COL15A1: variants seen among roughly 807,000 people sequenced by gnomAD.
COL15A1 encodes collagen alpha-1(XV) chain.
A neutral mutation model predicts 165.9 loss-of-function variants in COL15A1; 111 were observed. That is an observed-to-expected ratio of 0.67 (90% CI 0.57 to 0.78). The LOEUF (loss-of-function observed/expected upper bound fraction) is 0.78, where lower values mean the gene tolerates loss of function less well. COL15A1 is among the 30% of genes least tolerant of loss of function. The pLI, the probability that COL15A1 is intolerant of heterozygous loss-of-function variation, is 0.00. For missense variants in COL15A1, 1,745 were observed against 1,789.7 expected, an observed-to-expected ratio of 0.98 and a Z score of 0.45; for synonymous variants, 659 against 674.8, an observed-to-expected ratio of 0.98 and a Z score of 0.36.
chr9:98,966,463 T>C (rs1837959519), intron 2 of COL15A1, among the ~76,000 whole-genome samples: 1 of 152,212 alleles, frequency 6.6e-6, no homozygotes, highest in Non-Finnish European at 1.5e-5. Flanking sequence ...CCCCAGCTCA[T>C]GCTCTGACAC....
chr9:98,997,142 G>T, intron 6 of COL15A1, 61 bp downstream of exon 6: 8 of 1,595,466 alleles, frequency 5.0e-6, no homozygotes, highest in Non-Finnish European at 6.9e-6. Context: ...TATGTGTCCA[G>T]CCGGGGCCAT....
chr9:99,045,221 A>G (rs900552360), intron 26 of COL15A1, among the ~76,000 whole-genome samples: 1 of 152,210 alleles, frequency 6.6e-6, no homozygotes, highest in Non-Finnish European at 1.5e-5. Context: ...TGTGTCCAGG[A>G]AGGAGAGGTG....
intron 39 of COL15A1, among the ~76,000 whole-genome samples, chr9:99,063,630 A>G (rs984851467): frequency 5.9e-5 from 9 of 152,212 alleles, no homozygotes; most frequent in African/African-American, 2.2e-4. Context: ...GGAAACAGGT[A>G]TGACAACACT....
chr9:98,988,160 A>G (rs1838349516), intron 4 of COL15A1, among the ~76,000 whole-genome samples: 1 of 152,226 alleles, frequency 6.6e-6, no homozygotes, highest in African/African-American at 2.4e-5. Context: ...CAACGTCACA[A>G]CAGAACATAA....
chr9:99,028,921 T>C (rs1042207276), intron 16 of COL15A1, among the ~76,000 whole-genome samples: 1 of 152,258 alleles, frequency 6.6e-6, no homozygotes, highest in East Asian at 1.9e-4. Flanking sequence ...AGTTCGATGA[T>C]AGAAATATTC....
chr9:99,063,266 T>A (rs1825844731), intron 39 of COL15A1, among the ~76,000 whole-genome samples, 157 bp downstream of exon 39: 1 of 152,116 alleles, frequency 6.6e-6, no homozygotes, highest in Non-Finnish European at 1.5e-5. Context: ...TGTGGTAAGT[T>A]GTTTGGGTGA....
Position 98,943,931 on chromosome 9 carries a change from G to A in COL15A1, c.-131G>A. Reference sequence around the variant, plus strand: ...GATTCTGCCCGCCGCCGCCGCTGCCGAGCGCCGCCTTTGTTCCCTGCAGGA... The same window carrying A: ...GATTCTGCCCGCCGCCGCCGCTGCCAAGCGCCGCCTTTGTTCCCTGCAGGA... On this transcript the variant is annotated 5_prime_UTR_variant, in exon 1 of 42. Transcript: ENST00000375001. 1.6e-6 allele frequency: 2 copies of A among 1,240,838 alleles called. No homozygotes were observed. Among genetic ancestry groups the A allele is most frequent in the East Asian group, 2.9e-5 (1 of 34,330 alleles). 76.9% of individuals were successfully genotyped at this position (1,240,838 alleles called of 1,614,324 possible).
At chr9:99,052,836 G>A (rs1407033885) in intron 31 of COL15A1, among the ~76,000 whole-genome samples, 1 of 152,142 alleles carries the variant, frequency 6.6e-6, no homozygotes, top group East Asian at 1.9e-4. Context: ...AACAATTATA[G>A]TGCATTATAC....
chr9:99,068,254 T>C (rs1825927792), intron 40 of COL15A1, among the ~76,000 whole-genome samples: 1 of 151,594 alleles, frequency 6.6e-6, no homozygotes, highest in Admixed American at 6.6e-5. Context: ...TCACCTGAGG[T>C]CAGGAGTTCG....
Position 99,062,251 on chromosome 9 carries a change from G to A in COL15A1, c.3538G>A (p.Glu1180Lys). 1.2e-6 allele frequency: 2 copies of A among 1,613,562 alleles called. No homozygotes were observed. Among genetic ancestry groups the A allele is most frequent in the Non-Finnish European group, 1.7e-6 (2 of 1,179,520 alleles). The stretch of plus-strand genomic sequence containing the variant: ...TGTACTGTTTTTCTTAAAGCTGGGA[G>A]AACTGATCCCCATTCCTGCCGACAG... The part of the protein sequence containing the change: ...RDGWKKLQLG[E>K]LIPIPADSPP... The change falls in exon 38 of 42, where the codon GAA (glutamate) becomes AAA (lysine). Residue 1180 changes from glutamate (E) to lysine (K), a missense_variant. Glu to Lys is a moderately conservative substitution (Grantham distance 56). Coordinates refer to ENST00000375001, the MANE Select transcript of COL15A1 (RefSeq NM_001855.5).
rs181884582 is a variant in COL15A1, at chr9:99,065,723, G to A, written c.3652-1159G>A. On this transcript the variant is annotated intron_variant, in intron 39 of 41. Transcript: ENST00000375001. ...GATGAATAAAAAGAGAGAGACTGGA[G>A]CAGGTGGCAGCCTTGGGGTCTGTCC... Among the ~76,000 whole-genome samples, 212 of 149,942 alleles carry A rather than the reference G, an allele frequency of 1.4e-3. 2 individuals are homozygous for A. The highest frequency in any genetic ancestry group is 5.0e-4 in the Non-Finnish European group (34 of 67,598).
intron 22 of COL15A1, 148 bp from the exon 23 acceptor site, chr9:99,040,373 G>T: frequency 7.8e-7 from 1 of 1,289,658 alleles, no homozygotes; most frequent in Non-Finnish European, 1.1e-6. Flanking sequence ...CCCTCACAGG[G>T]CCCCTTCTTC....
chr9:99,011,864 T>C (rs1249854405), intron 9 of COL15A1, among the ~76,000 whole-genome samples: 1 of 152,232 alleles, frequency 6.6e-6, no homozygotes, highest in Non-Finnish European at 1.5e-5. Context: ...CCAACCATTT[T>C]ATAGCCTGTG....
At chr9:99,043,763 A>G (rs1007618361) in intron 24 of COL15A1, among the ~76,000 whole-genome samples, 4 of 152,178 alleles carry the variant, frequency 2.6e-5, no homozygotes, top group Non-Finnish European at 5.9e-5. Flanking sequence ...AGGGGCCAGC[A>G]TTGAAGTTTA....
chr9:99,012,614 CAAG>C (rs1838864144), intron 9 of COL15A1, among the ~76,000 whole-genome samples: 1 of 151,428 alleles, frequency 6.6e-6, no homozygotes, highest in Non-Finnish European at 1.5e-5. Context: ...AAAATACTTG[CAAG>C]AAGAGGCACC....
At chr9:99,014,697 G>C (rs1317583039) in intron 9 of COL15A1, among the ~76,000 whole-genome samples, 1 of 152,192 alleles carries the variant, frequency 6.6e-6, no homozygotes, top group Admixed American at 6.5e-5. Flanking sequence ...CCGTGACACA[G>C]CCTCAGGAGA....
rs1043983477 is a variant in COL15A1 at position 99,044,903 on chromosome 9, A to C, written c.2679+133A>C. ...GCAAAGATGTGCAAAATGTGCATAT[A>C]CTAGGGTAAGGCTGACTACAATTAA... is the stretch of plus-strand genomic sequence containing the variant. On this transcript the variant is annotated intron_variant, in intron 26 of 41. Coordinates refer to ENST00000375001, the MANE Select transcript of COL15A1 (RefSeq NM_001855.5). The C allele has an allele frequency of 6.2e-6, 5 of 807,446 alleles. No individual in the cohort carries two copies. The African/African-American group carries it at 8.5e-5, about 14-fold the overall frequency. The allele number at this position is 807,446 out of a possible 1,614,324, so 50.0% of individuals were successfully genotyped here.
At chr9:99,034,940 G>A (rs1424272116) in intron 17 of COL15A1, 74 bp from the exon 18 acceptor site, 3 of 1,272,730 alleles carry the variant, frequency 2.4e-6, no homozygotes, top group East Asian at 4.6e-5. Context: ...GTGATTTTCT[G>A]ATTCAGGCAT....
chr9:98,983,725 G>A (rs182598069), intron 2 of COL15A1, among the ~76,000 whole-genome samples: 58 of 152,322 alleles, frequency 3.8e-4, no homozygotes, highest in Non-Finnish European at 7.2e-4. Flanking sequence ...AATAGCGAAT[G>A]TTTGTTGCAC....
Sources: gnomAD v4.1 joint callset for allele counts (sites outside exome capture counted in the v4.1 genomes callset) on GRCh38, gnomAD v4.1.1 for gene constraint, MANE v1.5 for transcripts, NCBI Gene and HGNC (gene_info 2026-07-23, HGNC 2026-07-21) for gene names.